Variants in ABTB3 observed in about 807,000 individuals in gnomAD.
ABTB3 encodes the protein ankyrin repeat- and BTB/POZ domain-containing protein 3.
chr12:107,579,469 G>A, the ABTB3 span, among the ~76,000 whole-genome samples: 2 of 152,300 alleles, frequency 1.3e-5, no homozygotes, highest in East Asian at 3.9e-4. Flanking sequence ...AATGAAATGG[G>A]CATAATCATA....
At chr12:107,592,496 G>A in the ABTB3 span, among the ~76,000 whole-genome samples, 1 of 152,154 alleles carries the variant, frequency 6.6e-6, no homozygotes, top group East Asian at 1.9e-4. Flanking sequence ...TGCCTAGAGA[G>A]AATGGATAAA....
chr12:107,324,641 G>A, the ABTB3 span, among the ~76,000 whole-genome samples: 2 of 151,816 alleles, frequency 1.3e-5, no homozygotes, highest in South Asian at 4.2e-4. Flanking sequence ...TGTCAAACGG[G>A]GTTTCACCAT....
the ABTB3 span, among the ~76,000 whole-genome samples, chr12:107,447,580 T>C: frequency 1.9e-4 from 29 of 152,206 alleles, no homozygotes; most frequent in African/African-American, 6.8e-4. Context: ...AAGTGAAACG[T>C]GTTCTTGCCT....
chr12:107,423,281 A>G, the ABTB3 span, among the ~76,000 whole-genome samples: 2 of 152,234 alleles, frequency 1.3e-5, no homozygotes, highest in Non-Finnish European at 2.9e-5. Context: ...TTTCACATAG[A>G]CATAAAATGT....
the ABTB3 span, among the ~76,000 whole-genome samples, chr12:107,346,984 C>A: frequency 1.2e-4 from 18 of 152,240 alleles, no homozygotes; most frequent in Non-Finnish European, 2.2e-4. Context: ...ACTGTTATAA[C>A]CAACAGTATT....
chr12:107,582,158 C>T, the ABTB3 span, among the ~76,000 whole-genome samples: 3 of 152,166 alleles, frequency 2.0e-5, no homozygotes, highest in African/African-American at 7.2e-5. Flanking sequence ...CAGCAGCCCC[C>T]CGAAGGCCCA....
At chr12:107,643,235 G>A in the ABTB3 span, among the ~76,000 whole-genome samples, 1 of 151,600 alleles carries the variant, frequency 6.6e-6, no homozygotes, top group South Asian at 2.1e-4. Flanking sequence ...GCAAAACCCT[G>A]TCTATTAAAA....
At chr12:107,510,321 G>T in the ABTB3 span, among the ~76,000 whole-genome samples, 1 of 152,050 alleles carries the variant, frequency 6.6e-6, no homozygotes, top group African/African-American at 2.4e-5. Flanking sequence ...AGACAAACAA[G>T]GCAGTGCCCA....
At chr12:107,637,309 T>C in the ABTB3 span, among the ~76,000 whole-genome samples, 9 of 152,148 alleles carry the variant, frequency 5.9e-5, no homozygotes, top group African/African-American at 2.2e-4. Context: ...GGAGAATCAC[T>C]TGAACCTAGG....
the ABTB3 span, among the ~76,000 whole-genome samples, chr12:107,527,565 C>G: frequency 6.6e-6 from 1 of 151,726 alleles, no homozygotes; most frequent in East Asian, 1.9e-4. Flanking sequence ...AGCCATGGCG[C>G]CTGGCCAAGA....
the ABTB3 span, among the ~76,000 whole-genome samples, chr12:107,553,432 A>G: frequency 2.0e-5 from 3 of 152,320 alleles, no homozygotes; most frequent in East Asian, 1.9e-4. Context: ...GGGCAACTCT[A>G]TAAGTATCAC....
the ABTB3 span, among the ~76,000 whole-genome samples, chr12:107,362,403 C>T: frequency 2.0e-5 from 3 of 152,204 alleles, no homozygotes; most frequent in Non-Finnish European, 2.9e-5. Context: ...CCAGGGAAGA[C>T]GTAAGGGGCT....
chr12:107,358,101 G>A, the ABTB3 span, among the ~76,000 whole-genome samples: 2 of 152,114 alleles, frequency 1.3e-5, no homozygotes, highest in Non-Finnish European at 2.9e-5. Flanking sequence ...AAATAGCACA[G>A]ACAAAATCTT....
the ABTB3 span, among the ~76,000 whole-genome samples, chr12:107,341,344 G>T: frequency 6.6e-6 from 1 of 152,310 alleles, no homozygotes; most frequent in East Asian, 1.9e-4. Context: ...CTCCCTGGCA[G>T]GGGAGTCTAG....
the ABTB3 span, among the ~76,000 whole-genome samples, chr12:107,454,747 G>C: frequency 6.6e-6 from 1 of 152,124 alleles, no homozygotes; most frequent in Non-Finnish European, 1.5e-5. Context: ...CTGCATGCTG[G>C]GGGAGCTGCA....
the ABTB3 span, among the ~76,000 whole-genome samples, chr12:107,417,887 T>C: frequency 5.3e-4 from 81 of 152,352 alleles, no homozygotes; most frequent in African/African-American, 1.9e-3. Context: ...CCAGTTTTCC[T>C]ACAGATAGAG....
the ABTB3 span, among the ~76,000 whole-genome samples, chr12:107,353,895 T>C: frequency 6.6e-6 from 1 of 150,976 alleles, no homozygotes; most frequent in Admixed American, 6.6e-5. Context: ...CTCCCCCACC[T>C]CCCCTCGTCC....
the ABTB3 span, among the ~76,000 whole-genome samples, chr12:107,393,600 C>T: frequency 4.7e-4 from 71 of 152,132 alleles, 1 homozygote; most frequent in Admixed American, 2.3e-3. Flanking sequence ...TGCCATGGTG[C>T]CTATGTCATA....
At chr12:107,551,095 T>C in the ABTB3 span, among the ~76,000 whole-genome samples, 1 of 152,168 alleles carries the variant, frequency 6.6e-6, no homozygotes, top group African/African-American at 2.4e-5. Flanking sequence ...ATTCCTGGTA[T>C]CCTAAGCAGG....
Sources: gnomAD v4.1 joint callset for allele counts (sites outside exome capture counted in the v4.1 genomes callset) on GRCh38, gnomAD v4.1.1 for gene constraint, MANE v1.5 for transcripts, NCBI Gene and HGNC (gene_info 2026-07-23, HGNC 2026-07-21) for gene names.